Variants in GRIP1 observed in about 807,000 individuals in gnomAD.
GRIP1 encodes the protein glutamate receptor-interacting protein 1.
GRIP1 carries 45 observed loss-of-function variants against 129.9 expected under a neutral mutation model. The observed-to-expected ratio is 0.35, with a 90% CI of 0.27 to 0.44. The LOEUF is 0.44. Among genes scored for constraint, GRIP1 ranks in the 20% least tolerant of loss-of-function variants. The pLI, the probability that GRIP1 is intolerant of heterozygous loss-of-function variation, is 1.00. For missense variants in GRIP1, 1,196 were observed against 1,396.8 expected (o/e 0.86, Z 2.29); for synonymous variants, 530 against 520.8 (o/e 1.02, Z -0.24).
chr12:66,733,510 T>C (rs1428671381), intron 1 of GRIP1, among the ~76,000 whole-genome samples: 1 of 152,092 alleles, frequency 6.6e-6, no homozygotes, highest in Non-Finnish European at 1.5e-5. Context: ...ATGAGATGGC[T>C]ACAGCTCAGG....
At chr12:66,420,029 A>G (rs1250145191) in intron 15 of GRIP1, among the ~76,000 whole-genome samples, 2 of 152,160 alleles carry the variant, frequency 1.3e-5, no homozygotes, top group East Asian at 3.9e-4. Flanking sequence ...CCCAGGAGAC[A>G]GAGGTTTCAG....
At chr12:67,049,175 G>C (rs560803067) in intron 1 of GRIP1, among the ~76,000 whole-genome samples, 2 of 152,080 alleles carry the variant, frequency 1.3e-5, no homozygotes, top group Non-Finnish European at 2.9e-5. Flanking sequence ...ATACTGTTTT[G>C]TAATTGTTTT....
At chr12:66,840,495 G>A (rs1418865664) in intron 1 of GRIP1, among the ~76,000 whole-genome samples, 1 of 152,156 alleles carries the variant, frequency 6.6e-6, no homozygotes, top group Non-Finnish European at 1.5e-5. Context: ...AAGATCATTA[G>A]ACAACGACAG....
intron 5 of GRIP1, among the ~76,000 whole-genome samples, chr12:66,528,996 A>T (rs2061356870): frequency 6.6e-6 from 1 of 152,230 alleles, no homozygotes; most frequent in African/African-American, 2.4e-5. Context: ...ATGAATAGAC[A>T]ATTCTCAAAA....
chr12:66,920,592 A>T (rs1446500581), intron 1 of GRIP1, among the ~76,000 whole-genome samples: 1 of 152,224 alleles, frequency 6.6e-6, no homozygotes, highest in African/African-American at 2.4e-5. Context: ...GGACCTTTTG[A>T]TGTCTGATGA....
At chr12:66,540,384 A>G (rs1261176335) in intron 3 of GRIP1, among the ~76,000 whole-genome samples, 1 of 152,218 alleles carries the variant, frequency 6.6e-6, no homozygotes, top group Non-Finnish European at 1.5e-5. Context: ...TACAACTGAA[A>G]ATGCTACCCT....
intron 1 of GRIP1, among the ~76,000 whole-genome samples, chr12:67,002,059 C>T (rs745490652): frequency 9.2e-5 from 14 of 151,998 alleles, no homozygotes; most frequent in Non-Finnish European, 2.1e-4. Flanking sequence ...AAAATATGCA[C>T]CCAGTTGTAA....
chr12:66,523,437 T>C (rs1029950265), intron 5 of GRIP1, among the ~76,000 whole-genome samples: 1 of 149,580 alleles, frequency 6.7e-6, no homozygotes, highest in Admixed American at 6.6e-5. Flanking sequence ...CTAAGCTTCA[T>C]AAGTGAAGGA....
intron 1 of GRIP1, among the ~76,000 whole-genome samples, chr12:66,811,602 G>C (rs2039105809): frequency 6.6e-6 from 1 of 151,828 alleles, no homozygotes; most frequent in African/African-American, 2.4e-5. Flanking sequence ...GTCTCTCTCT[G>C]ATTCTCTCTC....
At chr12:66,516,774 T>C (rs2060856309) in intron 6 of GRIP1, among the ~76,000 whole-genome samples, 1 of 152,144 alleles carries the variant, frequency 6.6e-6, no homozygotes, top group Admixed American at 6.6e-5. Flanking sequence ...CAAAAGCAAA[T>C]ATACGTCAGC....
At chr12:66,621,762 A>G (rs189194278) in intron 1 of GRIP1, among the ~76,000 whole-genome samples, 2 of 152,046 alleles carry the variant, frequency 1.3e-5, no homozygotes, top group Non-Finnish European at 2.9e-5. Flanking sequence ...AATACTTGCT[A>G]TTTTCTGTTT....
intron 4 of GRIP1, among the ~76,000 whole-genome samples, chr12:66,536,659 T>C (rs1325562227): frequency 1.3e-5 from 2 of 152,212 alleles, no homozygotes; most frequent in East Asian, 3.8e-4. Flanking sequence ...ATCCCAGCAC[T>C]CTCAATCCCT....
chr12:66,690,482 C>T lies in GRIP1; in HGVS notation c.-419-60146G>A, dbSNP rs571113449. On this transcript the variant is annotated intron_variant, in intron 1 of 4. Coordinates refer to the GRIP1 transcript ENST00000538373. The stretch of plus-strand genomic sequence containing the variant: ...CATATTGGCTACTGTGCAATTAACA[C>T]GGAGGGTACAGGTGTCTTTTCAAGA... Among the ~76,000 whole-genome samples, 11 of 151,772 alleles carry T rather than the reference C, an allele frequency of 7.2e-5. No individual in the cohort carries two copies. The South Asian group carries it at 1.5e-3, about 20-fold the overall frequency.
At position 66,485,832 on chromosome 12, in the gene GRIP1, A is replaced by AT. The variant is rs200481199; in HGVS notation, c.725-20411dup. On this transcript the variant is annotated intron_variant, in intron 7 of 24. Coordinates refer to ENST00000359742, the MANE Select transcript of GRIP1 (RefSeq NM_001366722.1). ...CTACTTTTTTTCTCATTGCATTACA[A>AT]TGTCACCTGTGTCACAAATCAGGTG... Among the ~76,000 whole-genome samples, 1,396 of 152,190 alleles carry AT rather than the reference A, an allele frequency of 9.2e-3. 12 individuals are homozygous for AT. The highest frequency in any genetic ancestry group is 0.014 in the Non-Finnish European group (958 of 68,004).
intron 1 of GRIP1, among the ~76,000 whole-genome samples, chr12:66,692,794 A>G (rs935813252): frequency 7.9e-5 from 12 of 152,184 alleles, no homozygotes; most frequent in African/African-American, 2.9e-4. Flanking sequence ...CTCTGGGACC[A>G]GACTGCCTGG....
intron 1 of GRIP1, among the ~76,000 whole-genome samples, chr12:67,042,758 C>T (rs1320522477): frequency 6.6e-6 from 1 of 152,154 alleles, no homozygotes; most frequent in Admixed American, 6.5e-5. Flanking sequence ...ACTGAAGGGA[C>T]AGCTCTGATG....
chr12:66,558,773 A>G (rs1345411548), intron 2 of GRIP1, among the ~76,000 whole-genome samples: 1 of 146,522 alleles, frequency 6.8e-6, no homozygotes, highest in East Asian at 2.0e-4. Context: ...ACTAATGCCA[A>G]TCCTGCTCAA....
At chr12:66,899,251 G>A (rs539877319) in intron 1 of GRIP1, among the ~76,000 whole-genome samples, 1 of 152,234 alleles carries the variant, frequency 6.6e-6, no homozygotes, top group South Asian at 2.1e-4. Context: ...GGCTTAAAGG[G>A]AGCTCTCTCA....
At position 66,707,393 on chromosome 12, in the gene GRIP1, G is replaced by A. The variant is rs760987093; in HGVS notation, c.-419-77057C>T. Among the ~76,000 whole-genome samples, 29 of 149,940 alleles carry A rather than the reference G, an allele frequency of 1.9e-4. 1 individual carries two copies. The highest frequency in any genetic ancestry group is 3.7e-4 in the Non-Finnish European group (25 of 67,692). The stretch of plus-strand genomic sequence containing the variant: ...TGTAAGTAAGCAACATGAATAAAAC[G>A]TTGCTTACATTCAGTCTCTAATGTA... On this transcript the variant is annotated intron_variant, in intron 1 of 4. Coordinates refer to the GRIP1 transcript ENST00000538373.
Sources: gnomAD v4.1 joint callset for allele counts (sites outside exome capture counted in the v4.1 genomes callset) on GRCh38, gnomAD v4.1.1 for gene constraint, MANE v1.5 for transcripts, NCBI Gene and HGNC (gene_info 2026-07-23, HGNC 2026-07-21) for gene names.